The following SMG7 variants were observed in gnomAD, a reference collection of about 807,000 sequenced individuals.
The protein encoded by SMG7 is SMG7 nonsense mediated mRNA decay factor, also known as nonsense-mediated mRNA decay factor SMG7.
A neutral mutation model predicts 148.2 loss-of-function variants in SMG7; 34 were observed. That is an observed-to-expected ratio of 0.23 (90% CI 0.17 to 0.31). The LOEUF is 0.31. SMG7 is among the 10% of genes least tolerant of loss of function. SMG7 has a pLI of 1.00. For synonymous variants in SMG7, 492 were observed against 515.1 expected (o/e 0.96, Z 0.61); for missense variants, 1,114 against 1,408.4 (o/e 0.79, Z 3.35).
chr1:183,529,144 C>T, intron 7 of SMG7, 102 bp downstream of exon 7: 1 of 1,121,358 alleles, frequency 8.9e-7, no homozygotes, highest in South Asian at 1.5e-5. Flanking sequence ...GCCTATGCTT[C>T]TCTTATTTCT....
intron 9 of SMG7, 78 bp downstream of exon 9, chr1:183,533,404 A>G: frequency 7.1e-7 from 1 of 1,414,678 alleles, no homozygotes. Context: ...GTAGCAAAGC[A>G]CAGTGACATA....
At chr1:183,492,731 T>G (rs1657379000) in intron 1 of SMG7, among the ~76,000 whole-genome samples, 1 of 152,156 alleles carries the variant, frequency 6.6e-6, no homozygotes, top group African/African-American at 2.4e-5. Flanking sequence ...TTCCTTCTAC[T>G]TTATTTGGAT....
At chr1:183,546,542 T>G (rs1365036398) in intron 17 of SMG7, among the ~76,000 whole-genome samples, 1 of 152,206 alleles carries the variant, frequency 6.6e-6, no homozygotes, top group African/African-American at 2.4e-5. Flanking sequence ...CCGTAACTGA[T>G]TTTGAACTCT....
At chr1:183,484,440 A>T (rs542967830) in intron 1 of SMG7, among the ~76,000 whole-genome samples, 2 of 151,350 alleles carry the variant, frequency 1.3e-5, no homozygotes, top group Non-Finnish European at 2.9e-5. Context: ...CTCATACCAC[A>T]ATAACCCTCA....
intron 18 of SMG7, among the ~76,000 whole-genome samples, chr1:183,547,733 G>T (rs1670181196): frequency 6.6e-6 from 1 of 152,044 alleles, no homozygotes; most frequent in Non-Finnish European, 1.5e-5. Context: ...AATGCAGAAA[G>T]AGCCCTGATC....
Position 183,553,608 on chromosome 1 carries a change from G to GCCCACCCCCCCCC in SMG7, c.*1680_*1681insACCCCCCCCCCCC, listed in dbSNP as rs1671401101. 1 of 128,298 alleles carries GCCCACCCCCCCCC rather than the reference G, an allele frequency of 7.8e-6. No individual in the cohort carries two copies. Among genetic ancestry groups the GCCCACCCCCCCCC allele is most frequent in the African/African-American group, 2.7e-5 (1 of 36,670 alleles). 7.9% of individuals were successfully genotyped at this position (128,298 alleles called of 1,614,324 possible). A position where few individuals can be genotyped will look rare whatever the true frequency, so the allele number is the denominator to read the frequency against. The stretch of plus-strand genomic sequence containing the variant: ...TTGCTCTTCAGAGAGAGTGGTTGGA[G>GCCCACCCCCCCCC]CCCCCCCCGCCCCGTATGCTTACAT... On this transcript the variant is annotated 3_prime_UTR_variant, in exon 23 of 23. Coordinates refer to ENST00000688051, the MANE Select transcript of SMG7 (RefSeq NM_001375584.1).
intron 13 of SMG7, among the ~76,000 whole-genome samples, chr1:183,541,832 A>G (rs950358359): frequency 2.6e-5 from 4 of 152,202 alleles, no homozygotes; most frequent in Admixed American, 6.5e-5. Flanking sequence ...GCATGCTCAG[A>G]AAATGTAAAT....
At chr1:183,473,581 TA>T (rs1194294392) in intron 1 of SMG7, 2 of 188,380 alleles carry the variant, frequency 1.1e-5, no homozygotes, top group Non-Finnish European at 2.0e-5. Flanking sequence ...GGAAGCTGAG[TA>T]AGAGCTTGGA....
chr1:183,540,388 A>G (rs184920838), intron 12 of SMG7, among the ~76,000 whole-genome samples: 23 of 152,146 alleles, frequency 1.5e-4, no homozygotes, highest in Non-Finnish European at 2.6e-4. Flanking sequence ...CTCAGCATCT[A>G]GCCTTCTGCC....
chr1:183,507,402 C>A (rs1571893796), intron 1 of SMG7, among the ~76,000 whole-genome samples: 1 of 151,992 alleles, frequency 6.6e-6, no homozygotes, highest in East Asian at 1.9e-4. Flanking sequence ...TTCTTATACT[C>A]TTGTGTAAGA....
At chr1:183,473,717 T>G in intron 1 of SMG7, 2 of 984,970 alleles carry the variant, frequency 2.0e-6, no homozygotes, top group Non-Finnish European at 2.4e-6. Flanking sequence ...TTTTTGTCTT[T>G]CAGGAGCAGA....
Position 183,542,327 on chromosome 1 carries a change from T to C in SMG7, c.1667T>C (p.Val556Ala), listed in dbSNP as rs1047184364. The change falls in exon 14 of 23, where the codon GTG (valine) becomes GCG (alanine). Residue 556 changes from valine to alanine, a missense_variant. Physicochemically the swap from Val to Ala is moderately conservative, Grantham distance 64. Coordinates refer to ENST00000688051, the MANE Select transcript of SMG7 (RefSeq NM_001375584.1). The stretch of plus-strand genomic sequence containing the variant: ...AAAGAAAACATTAAGACACGAGAAG[T>C]GAACAGAGACCAAGGAAGAAGTTTT... ...TFKENIKTRE[V>A]NRDQGRSFPP... 4 of 1,613,934 alleles carry C rather than the reference T, an allele frequency of 2.5e-6. No individual in the cohort carries two copies. The highest frequency in any genetic ancestry group is 8.5e-7 in the Non-Finnish European group (1 of 1,179,978).
chr1:183,542,445 C>T lies in SMG7; in HGVS notation c.1785C>T (p.Thr595=). ...KKDNNKRKTE[T]KKCTLEKLQE... is the part of the protein sequence containing the mutation. ...ACAACAACAAGAGGAAAACTGAAAC[C>T]AAGAAATGCACCTTAGAAAAGTTAC... The change falls in exon 14 of 23, where the codon ACC becomes ACT. Residue 595 remains threonine (T), a synonymous_variant. Coordinates refer to ENST00000688051, the MANE Select transcript of SMG7 (RefSeq NM_001375584.1). 6.2e-7 allele frequency: 1 copy of T among 1,613,786 alleles called. No homozygotes were observed. Among genetic ancestry groups the T allele is most frequent in the East Asian group, 2.2e-5 (1 of 44,842 alleles).
chr1:183,522,705 T>A (rs1338614235), intron 4 of SMG7, among the ~76,000 whole-genome samples: 1 of 152,074 alleles, frequency 6.6e-6, no homozygotes, highest in Non-Finnish European at 1.5e-5. Flanking sequence ...GAAACCTGAT[T>A]AGAGTGGATT....
intron 9 of SMG7, 124 bp downstream of exon 9, chr1:183,533,450 G>A (rs747208679): frequency 6.4e-6 from 7 of 1,088,058 alleles, no homozygotes; most frequent in Non-Finnish European, 9.3e-6. Context: ...TGAATCAGGA[G>A]TTCATAATAA....
intron 5 of SMG7, among the ~76,000 whole-genome samples, chr1:183,526,971 T>C (rs1665995723): frequency 6.6e-6 from 1 of 152,258 alleles, no homozygotes; most frequent in African/African-American, 2.4e-5. Flanking sequence ...GTAACTTTCA[T>C]ATTAAGATTT....
At chr1:183,475,821 T>G (rs1009300458) in intron 1 of SMG7, among the ~76,000 whole-genome samples, 3 of 152,188 alleles carry the variant, frequency 2.0e-5, no homozygotes, top group African/African-American at 7.2e-5. Flanking sequence ...TAGGGAAGAC[T>G]TCCTTAGATG....
chr1:183,495,372 T>G (rs531149211), intron 1 of SMG7, among the ~76,000 whole-genome samples: 1 of 152,302 alleles, frequency 6.6e-6, no homozygotes, highest in Admixed American at 6.5e-5. Flanking sequence ...ACCTGTGTTA[T>G]CTGGTAATTC....
intron 3 of SMG7, 103 bp from the exon 4 acceptor site, chr1:183,517,585 G>T (rs749783643): frequency 9.5e-7 from 1 of 1,055,084 alleles, no homozygotes; most frequent in Non-Finnish European, 1.5e-6. Context: ...TTACTGTCTC[G>T]TGTGGTATAA....
Sources: gnomAD v4.1 joint callset for allele counts (sites outside exome capture counted in the v4.1 genomes callset) on GRCh38, gnomAD v4.1.1 for gene constraint, MANE v1.5 for transcripts, NCBI Gene and HGNC (gene_info 2026-07-23, HGNC 2026-07-21) for gene names.